The following TRAK1 variants were observed in gnomAD, a reference collection of about 807,000 sequenced individuals.
TRAK1 encodes trafficking kinesin-binding protein 1.
Under a neutral mutation model 92.1 loss-of-function variants are expected in TRAK1, and 33 were observed. The observed-to-expected ratio is 0.36, with a 90% confidence interval of 0.27 to 0.48. TRAK1 has a LOEUF of 0.48. Ranked by LOEUF, TRAK1 falls within the 20% of genes least tolerant of loss-of-function variation. TRAK1 has a pLI of 0.99. For synonymous variants in TRAK1, 521 were observed against 517.3 expected, an observed-to-expected ratio of 1.01 and a Z score of -0.10; for missense variants, 1,123 against 1,257.9, an observed-to-expected ratio of 0.89 and a Z score of 1.62.
rs754148544 is a variant in TRAK1, at chr3:42,224,245, G to A, written c.*508G>A. The A allele has an allele frequency of 8.8e-5, 31 of 353,228 alleles. No individual in the cohort carries two copies. The highest frequency in any genetic ancestry group is 1.6e-4 in the Non-Finnish European group (30 of 183,256). 21.9% of individuals were successfully genotyped at this position (353,228 alleles called of 1,614,324 possible). A position where few individuals can be genotyped will look rare whatever the true frequency, so the allele number is the denominator to read the frequency against. On this transcript the variant is annotated 3_prime_UTR_variant, in exon 16 of 16. Coordinates refer to ENST00000327628, the MANE Select transcript of TRAK1 (RefSeq NM_001042646.3). ...ATCCTCAGCCACGTGCAGCTGACGT[G>A]GCTTTCCTGATCGGAGGGCTTTTCT...
At chr3:42,104,073 A>G (rs1707186397) in intron 1 of TRAK1, among the ~76,000 whole-genome samples, 1 of 152,202 alleles carries the variant, frequency 6.6e-6, no homozygotes, top group Non-Finnish European at 1.5e-5. Context: ...ACTCACTGCT[A>G]GCACAGCAGT....
intron 1 of TRAK1, among the ~76,000 whole-genome samples, chr3:42,097,430 C>G (rs775944432): frequency 3.9e-5 from 6 of 152,160 alleles, no homozygotes; most frequent in Non-Finnish European, 8.8e-5. Context: ...CGCTCACTGT[C>G]TGCACCCCTG....
chr3:42,053,636 C>G (rs1703077845), intron 1 of TRAK1, among the ~76,000 whole-genome samples: 2 of 152,090 alleles, frequency 1.3e-5, no homozygotes, highest in Non-Finnish European at 2.9e-5. Flanking sequence ...TGGGTTGGCA[C>G]CCACACCCAG....
chr3:42,215,213 G>A (rs537036993), intron 14 of TRAK1, among the ~76,000 whole-genome samples: 2 of 152,268 alleles, frequency 1.3e-5, no homozygotes, highest in East Asian at 3.9e-4. Flanking sequence ...TGATATTTTA[G>A]TCTTTTAGGA....
intron 1 of TRAK1, among the ~76,000 whole-genome samples, chr3:42,044,319 C>G (rs1333142277): frequency 1.3e-5 from 2 of 152,210 alleles, no homozygotes; most frequent in African/African-American, 2.4e-5. Flanking sequence ...CACCACCACA[C>G]TTGGCTAATT....
intron 1 of TRAK1, among the ~76,000 whole-genome samples, chr3:42,054,904 ATTTTTTTTTTTTTTTT>A (rs1157067369): frequency 0.027 from 1,014 of 37,164 alleles, 22 homozygotes; most frequent in African/African-American, 0.082. Flanking sequence ...AGCAAACTAG[ATTTTTTTTTTTTTTTT>A]TTTTTTTTTT....
At chr3:42,036,702 T>C (rs186179128) in intron 1 of TRAK1, among the ~76,000 whole-genome samples, 1 of 152,328 alleles carries the variant, frequency 6.6e-6, no homozygotes, top group East Asian at 1.9e-4. Flanking sequence ...TAGGCTTGAC[T>C]CTGTAACAGC....
Position 42,157,419 on chromosome 3 carries a change from C to A in TRAK1, c.287-19395C>A, listed in dbSNP as rs149209957. ...GCTGCAGTGAGCCATGATCATACTA[C>A]TGCAGTCCAGCCTGGGCAACAGAAT... On this transcript the variant is annotated intron_variant, in intron 2 of 15. Transcript: ENST00000327628. Among the ~76,000 whole-genome samples the A allele has an allele frequency of 3.4e-3, 428 of 126,408 alleles. 2 individuals carry two copies. The highest frequency in any genetic ancestry group is 4.3e-3 in the Non-Finnish European group (275 of 63,940). The allele number at this position is 126,408 out of a possible 152,430, so 82.9% of individuals were successfully genotyped here. A position where few individuals can be genotyped will look rare whatever the true frequency, so the allele number is the denominator to read the frequency against.
chr3:42,140,321 C>T (rs190802236), intron 2 of TRAK1, among the ~76,000 whole-genome samples: 25 of 152,122 alleles, frequency 1.6e-4, no homozygotes, highest in East Asian at 7.7e-4. Flanking sequence ...TGACTGGCAG[C>T]GGCAACATTT....
chr3:42,189,250 C>T (rs767639288), intron 6 of TRAK1, 126 bp downstream of exon 6: 15 of 694,118 alleles, frequency 2.2e-5, no homozygotes, highest in Admixed American at 1.9e-4. Flanking sequence ...CTGTACCAGG[C>T]GCTCGGCAGA....
intron 2 of TRAK1, 136 bp downstream of exon 2, chr3:42,125,750 G>C (rs1710473267): frequency 1.0e-6 from 1 of 971,058 alleles, no homozygotes; most frequent in Admixed American, 2.8e-5. Context: ...AAGAAATGCG[G>C]CTGTAGGGGT....
At chr3:42,148,529 C>T (rs970205865) in intron 2 of TRAK1, among the ~76,000 whole-genome samples, 5 of 152,042 alleles carry the variant, frequency 3.3e-5, no homozygotes, top group Non-Finnish European at 5.9e-5. Flanking sequence ...GTTTTAAAAC[C>T]TCATTTCCTC....
chr3:42,113,742 C>T (rs1007883544), intron 1 of TRAK1, among the ~76,000 whole-genome samples: 3 of 151,354 alleles, frequency 2.0e-5, no homozygotes, highest in Non-Finnish European at 2.9e-5. Context: ...TTTATAGAGA[C>T]GGGATCTCAC....
chr3:42,151,780 G>T (rs1374589075), intron 2 of TRAK1, among the ~76,000 whole-genome samples: 1 of 152,176 alleles, frequency 6.6e-6, no homozygotes, highest in Admixed American at 6.5e-5. Flanking sequence ...CTGTTTATAT[G>T]TACCTGTCTT....
rs1003518220 is a variant in TRAK1 at position 42,202,304 on chromosome 3, A to C, written c.1428-132A>C. On this transcript the variant is annotated intron_variant, in intron 12 of 15. Coordinates refer to ENST00000327628, the MANE Select transcript of TRAK1 (RefSeq NM_001042646.3). The surrounding 1 kb of genome is among the most constrained non-coding windows in gnomAD (Gnocchi z 6.1). ...ATTTCCCCCTGTTGCCTAAATGTCAACTGCTTGCCTTGGTTCCCATGGAGA... is the reference window on the plus strand; with the variant it reads ...ATTTCCCCCTGTTGCCTAAATGTCACCTGCTTGCCTTGGTTCCCATGGAGA... 2 of 1,011,094 alleles carry C rather than the reference A, an allele frequency of 2.0e-6. No individual in the cohort carries two copies. Among genetic ancestry groups the C allele is most frequent in the African/African-American group, 1.6e-5 (1 of 60,648 alleles). 62.6% of individuals were successfully genotyped at this position (1,011,094 alleles called of 1,614,324 possible).
At chr3:42,041,898 G>A (rs550796361) in intron 1 of TRAK1, among the ~76,000 whole-genome samples, 2 of 151,962 alleles carry the variant, frequency 1.3e-5, no homozygotes, top group East Asian at 1.9e-4. Flanking sequence ...GGGTTCAAGC[G>A]ATTCTCCTGC....
intron 14 of TRAK1, among the ~76,000 whole-genome samples, chr3:42,214,355 T>G (rs1709419172): frequency 6.6e-6 from 1 of 152,210 alleles, no homozygotes; most frequent in African/African-American, 2.4e-5. Flanking sequence ...TTGATGCAGC[T>G]CAGCCAGGCC....
upstream of TRAK1, among the ~76,000 whole-genome samples, chr3:42,089,819 G>A (rs1311307886): frequency 6.6e-6 from 1 of 152,134 alleles, no homozygotes; most frequent in African/African-American, 2.4e-5. Context: ...GTCGCGGAGG[G>A]CAAACTCTGT....
intron 1 of TRAK1, among the ~76,000 whole-genome samples, chr3:42,093,006 C>G (rs1240273274): frequency 6.6e-6 from 1 of 151,964 alleles, no homozygotes; most frequent in Non-Finnish European, 1.5e-5. Context: ...AAATTTAAGG[C>G]CTTGTCAATT....
Sources: gnomAD v4.1 joint callset for allele counts (sites outside exome capture counted in the v4.1 genomes callset) on GRCh38, gnomAD v4.1.1 for gene constraint, Gnocchi (gnomAD v3.1) non-coding constraint, MANE v1.5 for transcripts, NCBI Gene and HGNC (gene_info 2026-07-23, HGNC 2026-07-21) for gene names.